Variants in PCDHA9 observed in about 807,000 individuals in gnomAD.
PCDHA9 encodes protocadherin alpha 9.
Under a neutral mutation model 62.0 loss-of-function variants are expected in PCDHA9, and 62 were observed. The observed-to-expected ratio is 1.00, with a 90% CI of 0.81 to 1.23. The LOEUF is 1.23. PCDHA9 is among the 50% of genes most tolerant of loss of function. The pLI is 0.00. For missense variants in PCDHA9, 1,205 were observed against 1,249.8 expected (o/e 0.96, Z 0.54); for synonymous variants, 557 against 567.6 (o/e 0.98, Z 0.27).
chr5:140,901,539 A>C (rs192107124), intron 1 of PCDHA9, among the ~76,000 whole-genome samples: 1 of 151,952 alleles, frequency 6.6e-6, no homozygotes, highest in African/African-American at 2.4e-5. Context: ...TTGGTTCTCT[A>C]TTCTGTTCCA....
intron 3 of PCDHA9, among the ~76,000 whole-genome samples, chr5:140,999,748 G>A (rs1563643254): frequency 1.3e-5 from 2 of 152,188 alleles, no homozygotes; most frequent in South Asian, 2.1e-4. Flanking sequence ...ATCTGGGTTC[G>A]CAGCACATGA....
At chr5:140,883,402 C>G (rs2153393597) in intron 1 of PCDHA9, 1 of 1,614,192 alleles carries the variant, frequency 6.2e-7, no homozygotes, top group Middle Eastern at 1.6e-4. Context: ...CCGATCGTGA[C>G]TCTGGCTCAA....
At chr5:140,990,772 C>T (rs1554251728) in intron 3 of PCDHA9, among the ~76,000 whole-genome samples, 1 of 152,164 alleles carries the variant, frequency 6.6e-6, no homozygotes, top group African/African-American at 2.4e-5. Context: ...AAATTTGGCT[C>T]TGTGTTGGAC....
chr5:140,883,506 T>A (rs782204819), intron 1 of PCDHA9: 1 of 1,614,078 alleles, frequency 6.2e-7, no homozygotes, highest in Non-Finnish European at 8.5e-7. Context: ...GACAGCGCCC[T>A]GGACCGCGAG....
chr5:140,898,548 T>C (rs1445483717), intron 1 of PCDHA9, among the ~76,000 whole-genome samples: 2 of 152,252 alleles, frequency 1.3e-5, no homozygotes, highest in Non-Finnish European at 2.9e-5. Context: ...CATTTATCTA[T>C]GTCTCTGTTT....
At chr5:140,947,907 C>T (rs2094191786) in intron 1 of PCDHA9, among the ~76,000 whole-genome samples, 1 of 151,546 alleles carries the variant, frequency 6.6e-6, no homozygotes, top group African/African-American at 2.4e-5. Context: ...TGAGAGCAGA[C>T]ATTCTTGCCT....
Position 140,850,654 on chromosome 5 carries a change from T to C in PCDHA9, c.2159T>C (p.Val720Ala), listed in dbSNP as rs2150492397. The change falls in exon 1 of 4, where the codon GTG becomes GCG. Residue 720 changes from valine to alanine, a missense_variant. Coordinates refer to ENST00000532602, the MANE Select transcript of PCDHA9 (RefSeq NM_031857.2). ...LLVLTLLLYT[V>A]LRCSAMPTEG... ...GTTCTCACGCTGCTGCTGTACACTG[T>C]GCTGCGGTGCTCGGCGATGCCCACC... The C allele has an allele frequency of 1.6e-5, 25 of 1,598,638 alleles. 2 individuals are homozygous for C. The highest frequency in any genetic ancestry group is 2.1e-5 in the Non-Finnish European group (25 of 1,167,896).
At chr5:140,969,230 G>A (rs1554231609) in intron 1 of PCDHA9, 1 of 1,614,154 alleles carries the variant, frequency 6.2e-7, no homozygotes, top group South Asian at 1.1e-5. Flanking sequence ...GCCTTCGGGA[G>A]CCCAAGCAGC....
At chr5:140,881,323 T>C in intron 1 of PCDHA9, 1 of 984,214 alleles carries the variant, frequency 1.0e-6, no homozygotes, top group South Asian at 4.7e-5. Flanking sequence ...AAATTCTATT[T>C]AACCAGGACG....
At chr5:140,997,399 C>T (rs1453624678) in intron 3 of PCDHA9, among the ~76,000 whole-genome samples, 1 of 152,118 alleles carries the variant, frequency 6.6e-6, no homozygotes, top group Non-Finnish European at 1.5e-5. Flanking sequence ...TAGGCTCTAT[C>T]GTATGGCCTA....
chr5:140,967,368 A>G (rs2096133589), intron 1 of PCDHA9: 1 of 1,607,738 alleles, frequency 6.2e-7, no homozygotes, highest in Non-Finnish European at 8.5e-7. Flanking sequence ...AAGCCCCTGC[A>G]GGAGAACAGT....
chr5:140,849,742 A>G lies in PCDHA9; in HGVS notation c.1247A>G (p.Glu416Gly). The change falls in exon 1 of 4, where the codon GAG becomes GGG. Residue 416 changes from glutamate (E) to glycine (G), a missense_variant. Transcript: ENST00000532602. ...GTGCTGGACAGAGCTCTGGACCGCGAGAGTGTGTCCGCCTACGAGCTGGTG... is the reference window on the plus strand; with the variant it reads ...GTGCTGGACAGAGCTCTGGACCGCGGGAGTGTGTCCGCCTACGAGCTGGTG... ...SLVLDRALDR[E>G]SVSAYELVVT... The G allele has an allele frequency of 6.3e-7, 1 of 1,598,398 alleles. No individual in the cohort carries two copies. The highest frequency in any genetic ancestry group is 1.1e-5 in the South Asian group (1 of 90,536).
intron 1 of PCDHA9, among the ~76,000 whole-genome samples, chr5:140,954,014 A>G (rs782347890): frequency 1.3e-5 from 2 of 152,038 alleles, no homozygotes; most frequent in African/African-American, 4.8e-5. Context: ...CAGCTCCCAC[A>G]CATAGTGGGA....
chr5:140,927,682 T>C, intron 1 of PCDHA9: 1 of 1,613,992 alleles, frequency 6.2e-7, no homozygotes, highest in Non-Finnish European at 8.5e-7. Flanking sequence ...AGATGAAGGG[T>C]CCAATGGGGA....
At chr5:140,868,461 GC>G (rs1399202356) in intron 1 of PCDHA9, 1 of 152,356 alleles carries the variant, frequency 6.6e-6, no homozygotes, top group African/African-American at 2.4e-5. Flanking sequence ...CTAAAGAGCT[GC>G]TTTTATAAAA....
chr5:140,863,022 C>T (rs1339638342), intron 1 of PCDHA9: 3 of 554,506 alleles, frequency 5.4e-6, no homozygotes, highest in Non-Finnish European at 7.1e-6. Flanking sequence ...GCCTGGTTGT[C>T]GCAACAGCTG....
chr5:140,869,509 A>G (rs199564677), intron 1 of PCDHA9: 13 of 1,614,206 alleles, frequency 8.1e-6, no homozygotes, highest in Middle Eastern at 1.6e-4. Context: ...GTTCTCGCTC[A>G]GAGAACAAAA....
At chr5:140,898,677 T>C (rs1197350501) in intron 1 of PCDHA9, among the ~76,000 whole-genome samples, 2 of 152,222 alleles carry the variant, frequency 1.3e-5, no homozygotes, top group Non-Finnish European at 2.9e-5. Flanking sequence ...TTGCGGGCTG[T>C]TTTTTGGTTC....
intron 1 of PCDHA9, among the ~76,000 whole-genome samples, chr5:140,900,300 A>G (rs1554189024): frequency 6.6e-6 from 1 of 151,644 alleles, no homozygotes; most frequent in Non-Finnish European, 1.5e-5. Flanking sequence ...GTTTTTTTAG[A>G]CAGTCTCACT....
Sources: allele counts gnomAD v4.1 joint callset (sites outside exome capture counted in the v4.1 genomes callset), GRCh38; gene constraint gnomAD v4.1.1; transcripts MANE v1.5; gene names NCBI Gene and HGNC (gene_info 2026-07-23, HGNC 2026-07-21).